Variants in VAX2 observed in about 807,000 individuals in gnomAD.
VAX2 encodes the protein ventral anterior homeobox 2.
Under a neutral mutation model 12.5 loss-of-function variants are expected in VAX2, and 8 were observed. That is an observed-to-expected ratio of 0.64 (90% CI 0.37 to 1.15). The LOEUF is 1.15. Among genes scored for constraint, VAX2 ranks in the 50% most tolerant of loss-of-function variants. The pLI is 0.01. For synonymous variants in VAX2, 183 were observed against 187.6 expected (o/e 0.98, Z 0.20); for missense variants, 476 against 412.9 (o/e 1.15, Z -1.32).
At chr2:70,915,580 A>G (rs1679291609) in intron 1 of VAX2, among the ~76,000 whole-genome samples, 1 of 152,240 alleles carries the variant, frequency 6.6e-6, no homozygotes, top group Non-Finnish European at 1.5e-5. Flanking sequence ...CAAGCCTAGC[A>G]TTCTAAAAAC....
intron 2 of VAX2, among the ~76,000 whole-genome samples, chr2:70,928,523 T>C (rs1679622087): frequency 6.6e-6 from 1 of 152,072 alleles, no homozygotes. Flanking sequence ...GGGTCCAGGC[T>C]CACCTTCTCA....
intron 1 of VAX2, among the ~76,000 whole-genome samples, chr2:70,914,293 T>G (rs946832032): frequency 4.0e-5 from 6 of 151,886 alleles, no homozygotes; most frequent in African/African-American, 1.2e-4. Context: ...ACTAAAAAAT[T>G]ACAAAAATTA....
At chr2:70,906,686 C>T (rs888201352) in intron 1 of VAX2, among the ~76,000 whole-genome samples, 3 of 151,962 alleles carry the variant, frequency 2.0e-5, no homozygotes, top group African/African-American at 7.2e-5. Flanking sequence ...AGCTACCGCG[C>T]GTTTCTTGTT....
At chr2:70,925,407 AG>A (rs1483823098) in intron 2 of VAX2, among the ~76,000 whole-genome samples, 4 of 152,194 alleles carry the variant, frequency 2.6e-5, no homozygotes, top group African/African-American at 9.7e-5. Flanking sequence ...GCCCAGGGCA[AG>A]GGAAAGGAAG....
At position 70,900,749 on chromosome 2, in the gene VAX2, C is replaced by T; in HGVS notation, c.128C>T (p.Pro43Leu). ...DLRADGGGHS[P>L]TEVAGTSASS... ...CGAGCTGATGGCGGTGGCCACAGCCCAACGGAGGTGGCCGGGACCTCAGCC... is the reference window on the plus strand; with the variant it reads ...CGAGCTGATGGCGGTGGCCACAGCCTAACGGAGGTGGCCGGGACCTCAGCC... The change falls in exon 1 of 3, where the codon CCA becomes CTA. Residue 43 changes from proline to leucine, a missense_variant. Coordinates refer to ENST00000234392, the MANE Select transcript of VAX2 (RefSeq NM_012476.3). The T allele has an allele frequency of 6.7e-7, 1 of 1,481,838 alleles. No individual in the cohort carries two copies. 91.8% of individuals were successfully genotyped at this position (1,481,838 alleles called of 1,614,324 possible).
chr2:70,908,331 A>C (rs182793506), intron 1 of VAX2, among the ~76,000 whole-genome samples: 2 of 150,612 alleles, frequency 1.3e-5, no homozygotes, highest in Admixed American at 1.3e-4. Context: ...CCGGTGAAAA[A>C]CCTCTCCCAT....
chr2:70,930,530 G>C (rs1296078633), intron 2 of VAX2, among the ~76,000 whole-genome samples: 1 of 152,184 alleles, frequency 6.6e-6, no homozygotes, highest in South Asian at 2.1e-4. Flanking sequence ...AGACGACAGG[G>C]GGTGGCTTCA....
At chr2:70,920,388 C>T (rs782127773) in intron 1 of VAX2, among the ~76,000 whole-genome samples, 17 of 152,092 alleles carry the variant, frequency 1.1e-4, no homozygotes, top group Non-Finnish European at 2.5e-4. Context: ...ATATTGGAGG[C>T]CCTCTGTGCG....
chr2:70,901,209 T>C lies in VAX2; in HGVS notation c.247+341T>C, dbSNP rs1470769515. 2.6e-5 allele frequency among the ~76,000 whole-genome samples: 4 copies of C among 152,186 alleles called. No homozygotes were observed. In the East Asian group the frequency reaches 7.7e-4, roughly 29 times the overall value. On this transcript the variant is annotated intron_variant, in intron 1 of 2. Coordinates refer to ENST00000234392, the MANE Select transcript of VAX2 (RefSeq NM_012476.3). ...TCCGTCCCGTGACCCTCAAGGCAAG[T>C]GCGGAGAAAAGCGTCTTGCGCGCTC...
At chr2:70,918,184 G>A (rs1315857719) in intron 1 of VAX2, among the ~76,000 whole-genome samples, 1 of 152,202 alleles carries the variant, frequency 6.6e-6, no homozygotes, top group East Asian at 1.9e-4. Flanking sequence ...GATGGGGAGG[G>A]AGGCCACCTC....
At chr2:70,912,191 A>G (rs1679200665) in intron 1 of VAX2, among the ~76,000 whole-genome samples, 1 of 152,198 alleles carries the variant, frequency 6.6e-6, no homozygotes, top group Admixed American at 6.5e-5. Flanking sequence ...GATTTGTAAC[A>G]TATTTGCTGT....
chr2:70,921,134 A>AGGGCCT lies in VAX2; in HGVS notation c.287_292dup (p.Gly96_Leu97dup). 6.2e-7 allele frequency: 1 copy of AGGGCCT among 1,611,470 alleles called. No individual in the cohort carries two copies. Among genetic ancestry groups the AGGGCCT allele is most frequent in the Non-Finnish European group, 8.5e-7 (1 of 1,179,016 alleles). On this transcript the variant is annotated inframe_insertion, in exon 2 of 3. Transcript: ENST00000234392. Reference sequence around the variant, plus strand: ...ACAATTCGGGAAATTGTCCTGCCTAAGGGCCTGGACCTGGACCGGCCCAAG... The same window carrying AGGGCCT: ...ACAATTCGGGAAATTGTCCTGCCTAAGGGCCTGGGCCTGGACCTGGACCGGCCCAAG...
chr2:70,928,243 T>G (rs1443675850), intron 2 of VAX2, among the ~76,000 whole-genome samples: 1 of 151,836 alleles, frequency 6.6e-6, no homozygotes, highest in Non-Finnish European at 1.5e-5. Context: ...AAGTAGAGAG[T>G]TGACCCTTCT....
At chr2:70,924,165 AC>A (rs1679519442) in intron 2 of VAX2, 1 of 151,902 alleles carries the variant, frequency 6.6e-6, no homozygotes, top group African/African-American at 2.4e-5. Context: ...TATCTCAAAA[AC>A]AAACAAAAAA....
Position 70,901,921 on chromosome 2 carries a change from C to G in VAX2, c.247+1053C>G, listed in dbSNP as rs376636366. ...TCCCCCAGGCTCCTTCCTGGGCTCCCTCCTCCCGGCTTCCTCCTGCTGCCT... is the reference window on the plus strand; with the variant it reads ...TCCCCCAGGCTCCTTCCTGGGCTCCGTCCTCCCGGCTTCCTCCTGCTGCCT... On this transcript the variant is annotated intron_variant, in intron 1 of 2. Coordinates refer to ENST00000234392, the MANE Select transcript of VAX2 (RefSeq NM_012476.3). Among the ~76,000 whole-genome samples, 115 of 152,342 alleles carry G rather than the reference C, an allele frequency of 7.5e-4. No individual in the cohort carries two copies. In the East Asian group the frequency reaches 0.015, roughly 20 times the overall value.
At chr2:70,907,501 G>A (rs1414013225) in intron 1 of VAX2, among the ~76,000 whole-genome samples, 1 of 152,240 alleles carries the variant, frequency 6.6e-6, no homozygotes, top group Admixed American at 6.5e-5. Context: ...AAATAACCGC[G>A]CAGTTGACGC....
intron 1 of VAX2, among the ~76,000 whole-genome samples, chr2:70,905,734 G>A (rs1553410521): frequency 6.6e-6 from 1 of 152,198 alleles, no homozygotes; most frequent in Non-Finnish European, 1.5e-5. Context: ...AGTCCGAGGG[G>A]CAAGGAGGCC....
At chr2:70,902,529 G>C (rs933918932) in intron 1 of VAX2, among the ~76,000 whole-genome samples, 1 of 152,260 alleles carries the variant, frequency 6.6e-6, no homozygotes, top group South Asian at 2.1e-4. Flanking sequence ...ACATTCCCAG[G>C]GGAGGATCTA....
rs566339253 is a variant in VAX2 at position 70,907,784 on chromosome 2, A to T, written c.247+6916A>T. 2.0e-5 allele frequency among the ~76,000 whole-genome samples: 3 copies of T among 152,374 alleles called. No individual in the cohort carries two copies. In the South Asian group the frequency reaches 6.2e-4, roughly 32 times the overall value. On this transcript the variant is annotated intron_variant, in intron 1 of 2. Transcript: ENST00000234392. The stretch of plus-strand genomic sequence containing the variant: ...ATCCCAGGAACAGCCACTGTTTTCA[A>T]TTCTGGGCGAGTCCTTCCAGGCGAT...
Sources: gnomAD v4.1 joint callset for allele counts (sites outside exome capture counted in the v4.1 genomes callset) on GRCh38, gnomAD v4.1.1 for gene constraint, MANE v1.5 for transcripts, NCBI Gene and HGNC (gene_info 2026-07-23, HGNC 2026-07-21) for gene names.